YAP1: variants seen among roughly 807,000 people sequenced by gnomAD.
YAP1 encodes Yes1 associated transcriptional regulator.
A neutral mutation model predicts 56.9 loss-of-function variants in YAP1; 5 were observed. The observed-to-expected ratio is 0.09, with a 90% CI of 0.05 to 0.18. The LOEUF (loss-of-function observed/expected upper bound fraction) is 0.18, where lower values mean the gene tolerates loss of function less well. YAP1 is among the 10% of genes least tolerant of loss of function. YAP1 has a pLI of 1.00. For synonymous variants in YAP1, 265 were observed against 248.1 expected, an observed-to-expected ratio of 1.07 and a Z score of -0.64; for missense variants, 539 against 651.8, an observed-to-expected ratio of 0.83 and a Z score of 1.88.
intron 4 of YAP1, among the ~76,000 whole-genome samples, chr11:102,202,162 ATTATTT>A (rs1176532983): frequency 6.6e-6 from 1 of 150,924 alleles, no homozygotes; most frequent in Non-Finnish European, 1.5e-5. Context: ...CAGAATTATT[ATTATTT>A]TTTTTTTTTG....
intron 2 of YAP1, among the ~76,000 whole-genome samples, chr11:102,150,470 A>C: frequency 6.6e-6 from 1 of 152,282 alleles, no homozygotes; most frequent in East Asian, 1.9e-4. Context: ...TTGAGATATA[A>C]AATATATTAT....
chr11:102,193,823 T>C (rs1025890809), intron 4 of YAP1, among the ~76,000 whole-genome samples: 1 of 150,246 alleles, frequency 6.7e-6, no homozygotes, highest in East Asian at 1.9e-4. Flanking sequence ...TTTTTGGGGG[T>C]TTTTTTTTGT....
chr11:102,159,355 A>G (rs1449152609), intron 2 of YAP1, among the ~76,000 whole-genome samples: 1 of 152,202 alleles, frequency 6.6e-6, no homozygotes. Context: ...CCCTAAGCTG[A>G]TAGCTCTCTG....
At chr11:102,207,289 T>G (rs1299177035) in intron 5 of YAP1, among the ~76,000 whole-genome samples, 1 of 152,146 alleles carries the variant, frequency 6.6e-6, no homozygotes, top group Non-Finnish European at 1.5e-5. Flanking sequence ...AGGTTTTTTG[T>G]TTTTTGTTAA....
intron 3 of YAP1, among the ~76,000 whole-genome samples, chr11:102,170,288 T>C (rs1024122906): frequency 6.6e-6 from 1 of 152,248 alleles, no homozygotes; most frequent in Non-Finnish European, 1.5e-5. Flanking sequence ...TATGCTGAGA[T>C]GTGGGTATAT....
At chr11:102,128,245 A>G (rs941725301) in intron 2 of YAP1, among the ~76,000 whole-genome samples, 2 of 152,160 alleles carry the variant, frequency 1.3e-5, no homozygotes, top group African/African-American at 2.4e-5. Context: ...TGAAATCTCA[A>G]CTTGAGCTGT....
intron 2 of YAP1, among the ~76,000 whole-genome samples, chr11:102,156,001 G>C (rs1382272964): frequency 3.3e-5 from 5 of 152,010 alleles, no homozygotes; most frequent in African/African-American, 1.2e-4. Context: ...TGACAAATGA[G>C]GTCAGAGTTG....
At chr11:102,183,700 T>TTGTGTGTGTGTG (rs1555011904) in intron 3 of YAP1, among the ~76,000 whole-genome samples, 3 of 98,002 alleles carry the variant, frequency 3.1e-5, no homozygotes, top group African/African-American at 1.2e-4. Flanking sequence ...ATAATGCTGT[T>TTGTGTGTGTGTG]TCTGTGTGTG....
chr11:102,165,726 A>G (rs922100148), intron 3 of YAP1, among the ~76,000 whole-genome samples: 11 of 152,242 alleles, frequency 7.2e-5, no homozygotes, highest in African/African-American at 2.4e-4. Flanking sequence ...GCACTGTCTC[A>G]TTTAAGATCC....
At chr11:102,158,451 C>T (rs1307210096) in intron 2 of YAP1, among the ~76,000 whole-genome samples, 6 of 152,188 alleles carry the variant, frequency 3.9e-5, no homozygotes, top group East Asian at 1.9e-4. Context: ...CAAACTTCAA[C>T]GAACATACAG....
rs1944834596 is a variant in YAP1 at position 102,138,800 on chromosome 11, G to A, written c.573-23656G>A. Among the ~76,000 whole-genome samples the A allele has an allele frequency of 2.0e-5, 3 of 152,202 alleles. No homozygotes were observed. In the South Asian group the frequency reaches 6.2e-4, roughly 32 times the overall value. ...TCATCAAGTTATGTACGTGTATGTG[G>A]GTATCTATATACATAAATATAGATA... On this transcript the variant is annotated intron_variant, in intron 2 of 8. Coordinates refer to ENST00000282441, the MANE Select transcript of YAP1 (RefSeq NM_001130145.3).
intron 8 of YAP1, among the ~76,000 whole-genome samples, chr11:102,228,404 G>A (rs556222825): frequency 6.6e-6 from 1 of 152,008 alleles, no homozygotes; most frequent in African/African-American, 2.4e-5. Context: ...GGAGGCCGAG[G>A]TAGCCAGATC....
rs1439026750 is a variant in YAP1 at position 102,232,792 on chromosome 11, C to T, written c.*2852C>T. The T allele has an allele frequency of 6.6e-6, 1 of 152,534 alleles. No individual in the cohort carries two copies. The highest frequency in any genetic ancestry group is 1.5e-5 in the Non-Finnish European group (1 of 68,016). 9.4% of individuals were successfully genotyped at this position (152,534 alleles called of 1,614,324 possible). A position where few individuals can be genotyped will look rare whatever the true frequency, so the allele number is the denominator to read the frequency against. On this transcript the variant is annotated 3_prime_UTR_variant, in exon 9 of 9. Transcript: ENST00000282441. ...TTTCAGTCAGGGCTTCTTAGATCTA[C>T]TTATGGTTGATGGAGCACATTGATT...
At chr11:102,207,495 C>T (rs1949181588) in intron 5 of YAP1, among the ~76,000 whole-genome samples, 1 of 151,576 alleles carries the variant, frequency 6.6e-6, no homozygotes, top group African/African-American at 2.4e-5. Flanking sequence ...AGTTCGAAAC[C>T]AGCCTGGGCA....
At chr11:102,186,259 C>T in intron 4 of YAP1, 128 bp downstream of exon 4, 1 of 998,896 alleles carries the variant, frequency 1.0e-6, no homozygotes, top group Admixed American at 2.9e-5. Context: ...CCTGCCCACC[C>T]AATGTTTACC....
chr11:102,192,818 G>A (rs1288420985), intron 4 of YAP1, among the ~76,000 whole-genome samples: 2 of 152,140 alleles, frequency 1.3e-5, no homozygotes, highest in Non-Finnish European at 2.9e-5. Flanking sequence ...TGGTCCTCTG[G>A]TCACAGTGTG....
chr11:102,121,449 A>AC (rs927872351), intron 2 of YAP1, among the ~76,000 whole-genome samples: 4 of 151,646 alleles, frequency 2.6e-5, no homozygotes, highest in East Asian at 3.9e-4. Context: ...AAAAAAAAAA[A>AC]AAACTAAAAA....
At chr11:102,221,766 C>A (rs113866427) in intron 6 of YAP1, among the ~76,000 whole-genome samples, 3,559 of 151,478 alleles carry the variant, frequency 0.023, 149 homozygotes, top group African/African-American at 0.083. Flanking sequence ...CATCTTATAA[C>A]GTAACTACTG....
intron 3 of YAP1, among the ~76,000 whole-genome samples, chr11:102,182,811 C>T (rs1034497415): frequency 1.0e-4 from 15 of 149,516 alleles, no homozygotes; most frequent in Non-Finnish European, 1.9e-4. Context: ...TTCCATATAA[C>T]ATTATATTTT....
Sources: gnomAD v4.1 joint callset for allele counts (sites outside exome capture counted in the v4.1 genomes callset) on GRCh38, gnomAD v4.1.1 for gene constraint, MANE v1.5 for transcripts, NCBI Gene and HGNC (gene_info 2026-07-23, HGNC 2026-07-21) for gene names.